The following CNNM2 variants were observed in gnomAD, a reference collection of about 807,000 sequenced individuals.
CNNM2 encodes metal transporter CNNM2.
A neutral mutation model predicts 66.9 loss-of-function variants in CNNM2; 12 were observed. The observed-to-expected ratio is 0.18, with a 90% confidence interval of 0.11 to 0.29. CNNM2 has a LOEUF of 0.29. Among genes scored for constraint, CNNM2 ranks in the 10% least tolerant of loss-of-function variants. The pLI is 1.00. For synonymous variants in CNNM2, 557 were observed against 501.8 expected (o/e 1.11, Z -1.47); for missense variants, 705 against 1,167.7 (o/e 0.60, Z 5.77).
chr10:102,951,492 T>C (rs1846832623), intron 1 of CNNM2, among the ~76,000 whole-genome samples: 1 of 152,052 alleles, frequency 6.6e-6, no homozygotes, highest in Non-Finnish European at 1.5e-5. Context: ...CCACCATGCC[T>C]GGCTGAAAGT....
chr10:102,985,815 G>A (rs1261181170), intron 1 of CNNM2, among the ~76,000 whole-genome samples: 3 of 152,220 alleles, frequency 2.0e-5, no homozygotes, highest in East Asian at 3.8e-4. Context: ...GGAAAGGGGG[G>A]CCTTCTAAAC....
In CNNM2 at chr10:103,054,535, T is replaced by G; in HGVS notation, c.1903+69T>G. On this transcript the variant is annotated intron_variant, in intron 3 of 7. Coordinates refer to ENST00000369878, the MANE Select transcript of CNNM2 (RefSeq NM_017649.5). The surrounding 1 kb of genome is among the most constrained non-coding windows in gnomAD (Gnocchi z 5.2). ...AGCGTGTTTCTCACCCACCACTGAC[T>G]GGGGTGGGTTGGGGGTGGACACTGG... 6.7e-7 allele frequency: 1 copy of G among 1,499,644 alleles called. No individual in the cohort carries two copies. Among genetic ancestry groups the G allele is most frequent in the Non-Finnish European group, 9.2e-7 (1 of 1,091,236 alleles). 92.9% of individuals were successfully genotyped at this position (1,499,644 alleles called of 1,614,324 possible).
At chr10:103,062,278 G>A (rs577609994) in intron 4 of CNNM2, among the ~76,000 whole-genome samples, 1 of 152,136 alleles carries the variant, frequency 6.6e-6, no homozygotes, top group African/African-American at 2.4e-5. Context: ...GAGTATGGCA[G>A]GTGGCATCTT....
chr10:102,956,025 C>T (rs1200109803), intron 1 of CNNM2, among the ~76,000 whole-genome samples: 1 of 152,176 alleles, frequency 6.6e-6, no homozygotes, highest in African/African-American at 2.4e-5. Context: ...TGGTGGCTCA[C>T]GCCTGTAATC....
At chr10:103,036,702 C>T (rs2064946206) in intron 1 of CNNM2, among the ~76,000 whole-genome samples, 1 of 152,160 alleles carries the variant, frequency 6.6e-6, no homozygotes, top group South Asian at 2.1e-4. Context: ...TTGGACCTCA[C>T]TCGGGTTTTC....
At chr10:103,005,422 G>A (rs903827884) in intron 1 of CNNM2, among the ~76,000 whole-genome samples, 1 of 151,976 alleles carries the variant, frequency 6.6e-6, no homozygotes, top group African/African-American at 2.4e-5. Flanking sequence ...GCCAAGGTGG[G>A]TGGATCACCT....
intron 1 of CNNM2, among the ~76,000 whole-genome samples, chr10:102,921,963 T>G (rs1392293162): frequency 1.3e-5 from 2 of 152,234 alleles, no homozygotes; most frequent in Non-Finnish European, 2.9e-5. Flanking sequence ...TGTGCTTGAT[T>G]GACCTTGAAC....
In CNNM2 at chr10:103,088,294, T is replaced by TTCAC. The variant is rs1225534308; in HGVS notation, c.*11116_*11119dup. Reference sequence around the variant, plus strand: ...GTTTGTTTAAAATGTTGAAACAACTTTCACTGTACTGGTGAAACAGTTTTA... The same window carrying TTCAC: ...GTTTGTTTAAAATGTTGAAACAACTTTCACTCACTGTACTGGTGAAACAGTTTTA... On this transcript the variant is annotated 3_prime_UTR_variant, in exon 8 of 8. Coordinates refer to ENST00000369878, the MANE Select transcript of CNNM2 (RefSeq NM_017649.5). The TTCAC allele has an allele frequency of 2.6e-4, 40 of 152,234 alleles. No homozygotes were observed. Among genetic ancestry groups the TTCAC allele is most frequent in the Non-Finnish European group, 3.1e-4 (21 of 68,030 alleles). The allele number at this position is 152,234 out of a possible 1,614,324, so 9.4% of individuals were successfully genotyped here. A position where few individuals can be genotyped will look rare whatever the true frequency, so the allele number is the denominator to read the frequency against.
intron 1 of CNNM2, among the ~76,000 whole-genome samples, chr10:102,973,959 C>T (rs1437199720): frequency 1.3e-5 from 2 of 152,210 alleles, no homozygotes; most frequent in Admixed American, 1.3e-4. Context: ...ATTCATCCAT[C>T]TCCATGCAAT....
At chr10:102,973,030 T>C (rs2063570061) in intron 1 of CNNM2, among the ~76,000 whole-genome samples, 1 of 152,230 alleles carries the variant, frequency 6.6e-6, no homozygotes, top group South Asian at 2.1e-4. Context: ...ACATAGTTTA[T>C]TTGGCAGCAT....
rs2066081392 is a variant in CNNM2 at position 103,089,143 on chromosome 10, ACT to A, written c.*11964_*11965del. ...ATAGAGAAGCAGCCTTGCCAGAGTC[ACT>A]GAGGATGAATTAAAGGCTTATAAAA... On this transcript the variant is annotated 3_prime_UTR_variant, in exon 8 of 8. Coordinates refer to ENST00000369878, the MANE Select transcript of CNNM2 (RefSeq NM_017649.5). 2 of 227,160 alleles carry A rather than the reference ACT, an allele frequency of 8.8e-6. No individual in the cohort carries two copies. The highest frequency in any genetic ancestry group is 1.7e-5 in the Non-Finnish European group (2 of 114,372). The allele number at this position is 227,160 out of a possible 1,614,324, so 14.1% of individuals were successfully genotyped here.
chr10:103,042,440 G>A (rs1338090000), intron 1 of CNNM2, among the ~76,000 whole-genome samples: 2 of 152,090 alleles, frequency 1.3e-5, no homozygotes, highest in Non-Finnish European at 2.9e-5. Flanking sequence ...CACAGCACTT[G>A]AACACGACCC....
Position 102,919,701 on chromosome 10 carries a change from C to G in CNNM2, c.1221C>G (p.Thr407=). Residue 407 remains threonine (T), a synonymous_variant, in exon 1 of 8, where the codon ACC becomes ACG. Coordinates refer to ENST00000369878, the MANE Select transcript of CNNM2 (RefSeq NM_017649.5). ...LDCVLGQEIG[T]VYNREKLLEM... ...GCGTCCTGGGCCAGGAGATAGGCAC[C>G]GTCTATAACCGGGAAAAACTGCTGG... The G allele has an allele frequency of 1.9e-6, 3 of 1,614,202 alleles. No individual in the cohort carries two copies. Among genetic ancestry groups the G allele is most frequent in the African/African-American group, 1.3e-5 (1 of 75,054 alleles).
Position 103,039,130 on chromosome 10 carries a change from G to T in CNNM2, c.1622-10577G>T, listed in dbSNP as rs1467588246. Among the ~76,000 whole-genome samples, 6 of 152,066 alleles carry T rather than the reference G, an allele frequency of 3.9e-5. No individual in the cohort carries two copies. The South Asian group carries it at 1.0e-3, about 26-fold the overall frequency. On this transcript the variant is annotated intron_variant, in intron 1 of 7. Transcript: ENST00000369878. ...TTAAGCAGGTTTGATTATAGCTCGT[G>T]TTCTAATACTAGATTTTTTTTGCTT...
At chr10:103,009,038 A>AG (rs764767402) in intron 1 of CNNM2, among the ~76,000 whole-genome samples, 4 of 152,178 alleles carry the variant, frequency 2.6e-5, no homozygotes, top group Non-Finnish European at 4.4e-5. Flanking sequence ...GCACTTTGGG[A>AG]GGCCGAGGCA....
intron 1 of CNNM2, among the ~76,000 whole-genome samples, chr10:103,019,558 G>A (rs2064529720): frequency 2.6e-5 from 4 of 152,116 alleles, no homozygotes; most frequent in Admixed American, 2.6e-4. Flanking sequence ...TCAGCCTTTG[G>A]GTGTGCTAAT....
intron 1 of CNNM2, among the ~76,000 whole-genome samples, chr10:103,003,827 C>T (rs1590379149): frequency 6.6e-6 from 1 of 151,876 alleles, no homozygotes; most frequent in South Asian, 2.1e-4. Flanking sequence ...TAACCACTGT[C>T]CTGACATTAA....
intron 4 of CNNM2, among the ~76,000 whole-genome samples, chr10:103,066,827 A>G (rs1209317321): frequency 6.6e-6 from 1 of 152,128 alleles, no homozygotes; most frequent in Admixed American, 6.5e-5. Flanking sequence ...GACGGCTGTC[A>G]TCTCCGACTC....
At chr10:102,950,981 C>CTTTTTT (rs34870588) in intron 1 of CNNM2, among the ~76,000 whole-genome samples, 375 of 80,442 alleles carry the variant, frequency 4.7e-3, no homozygotes, top group Non-Finnish European at 5.1e-3. Flanking sequence ...CTTTCTTTCT[C>CTTTTTT]TTTTTTTTTT....
Sources: allele counts gnomAD v4.1 joint callset (sites outside exome capture counted in the v4.1 genomes callset), GRCh38; gene constraint gnomAD v4.1.1; non-coding constraint Gnocchi (gnomAD v3.1); transcripts MANE v1.5; gene names NCBI Gene and HGNC (gene_info 2026-07-23, HGNC 2026-07-21).